The following PCDH11X variants were observed in gnomAD, a reference collection of about 807,000 sequenced individuals.
The protein encoded by PCDH11X is protocadherin-11 X-linked.
PCDH11X carries 18 observed loss-of-function variants against 53.3 expected under a neutral mutation model. The ratio of observed to expected loss-of-function variants is 0.34; its 90% CI spans 0.23 to 0.50. PCDH11X has a LOEUF of 0.50. PCDH11X is among the 20% of genes least tolerant of loss of function. The pLI, the probability that PCDH11X is intolerant of heterozygous loss-of-function variation, is 0.98. For synonymous variants in PCDH11X, 279 were observed against 393.3 expected, an observed-to-expected ratio of 0.71 and a Z score of 3.44; for missense variants, 570 against 1,032.4, an observed-to-expected ratio of 0.55 and a Z score of 6.14.
chrX:91,908,270 A>C lies in PCDH11X; in HGVS notation c.3033+28997A>C, dbSNP rs191167314. Among the ~76,000 whole-genome samples, 312 of 111,730 alleles carry C rather than the reference A, an allele frequency of 2.8e-3. 1 individual carries two copies. Among genetic ancestry groups the C allele is most frequent in the African/African-American group, 9.6e-3 (295 of 30,747 alleles). On this transcript the variant is annotated intron_variant, in intron 6 of 10. Coordinates refer to ENST00000682573, the MANE Select transcript of PCDH11X (RefSeq NM_032968.5). Reference sequence around the variant, plus strand: ...AATTTTGCAAACCATGCATCCAATAAATGTCTAATATCCAGCCTCTATAAG... The same window carrying C: ...AATTTTGCAAACCATGCATCCAATACATGTCTAATATCCAGCCTCTATAAG...
At chrX:91,937,480 G>A (rs763861598) in intron 6 of PCDH11X, among the ~76,000 whole-genome samples, 2 of 110,917 alleles carry the variant, frequency 1.8e-5, no homozygotes, top group African/African-American at 6.5e-5. Context: ...AAATGTAGAC[G>A]GTCTGCATAT....
intron 10 of PCDH11X, among the ~76,000 whole-genome samples, chrX:92,559,962 A>G (rs1391180170): frequency 2.7e-5 from 3 of 111,522 alleles, no homozygotes; most frequent in Non-Finnish European, 5.7e-5. Context: ...ACCTAGGCAG[A>G]CACCAGCTGG....
intron 8 of PCDH11X, among the ~76,000 whole-genome samples, chrX:92,300,057 TG>T (rs1419844383): frequency 2.8e-5 from 3 of 106,284 alleles, no homozygotes; most frequent in African/African-American, 1.0e-4. Context: ...TTAATTTCAT[TG>T]TTTACTCCAA....
chrX:92,587,018 T>A (rs1306520950), intron 10 of PCDH11X, among the ~76,000 whole-genome samples: 2 of 97,463 alleles, frequency 2.1e-5, no homozygotes, highest in African/African-American at 3.8e-5. Context: ...AGCATGTCGG[T>A]TACAACCTGA....
At chrX:92,190,134 C>T (rs760793632) in intron 6 of PCDH11X, among the ~76,000 whole-genome samples, 152 of 111,558 alleles carry the variant, frequency 1.4e-3, no homozygotes, top group Non-Finnish European at 2.4e-3. Flanking sequence ...GAAATCTTTG[C>T]CTGTGCTTAT....
intron 7 of PCDH11X, among the ~76,000 whole-genome samples, chrX:92,257,385 A>T (rs2067616435): frequency 9.0e-6 from 1 of 111,097 alleles, no homozygotes; most frequent in Non-Finnish European, 1.9e-5. Flanking sequence ...CCCAAATCTC[A>T]TGTCTTTCTC....
At chrX:91,937,360 A>C (rs999901591) in intron 6 of PCDH11X, among the ~76,000 whole-genome samples, 1 of 110,825 alleles carries the variant, frequency 9.0e-6, no homozygotes, top group South Asian at 3.8e-4. Context: ...CTATCTAAAG[A>C]GTAAAATCAG....
chrX:92,399,737 G>GTATTTATTTATT (rs57660372), intron 9 of PCDH11X, among the ~76,000 whole-genome samples: 2 of 104,912 alleles, frequency 1.9e-5, no homozygotes, highest in Admixed American at 2.2e-4. Context: ...CATCTTATTT[G>GTATTTATTTATT]TATTTATTTA....
intron 8 of PCDH11X, among the ~76,000 whole-genome samples, chrX:92,324,342 A>G (rs1259933895): frequency 9.0e-6 from 1 of 111,496 alleles, no homozygotes; most frequent in African/African-American, 3.3e-5. Flanking sequence ...AGTTAATTTG[A>G]TGGTGTCCAA....
chrX:92,033,666 GT>G (rs1270925217), intron 6 of PCDH11X, among the ~76,000 whole-genome samples: 2 of 108,290 alleles, frequency 1.8e-5, no homozygotes, highest in Non-Finnish European at 1.9e-5. Context: ...TTGCCTAAAA[GT>G]TTGTCAATTA....
intron 6 of PCDH11X, among the ~76,000 whole-genome samples, chrX:92,000,379 T>A (rs2147960263): frequency 9.0e-6 from 1 of 111,041 alleles, no homozygotes; most frequent in Admixed American, 9.7e-5. Flanking sequence ...TATTACATAT[T>A]TAGTTTCTAT....
intron 6 of PCDH11X, among the ~76,000 whole-genome samples, chrX:91,953,493 T>C (rs996830146): frequency 1.8e-4 from 20 of 110,225 alleles, no homozygotes; most frequent in Non-Finnish European, 2.1e-4. Context: ...TTCTGCATTT[T>C]ATATTTAGAA....
chrX:92,140,100 A>T (rs1170533695), intron 6 of PCDH11X, among the ~76,000 whole-genome samples: 1 of 110,806 alleles, frequency 9.0e-6, no homozygotes, highest in African/African-American at 3.3e-5. Context: ...CAAAATTTCT[A>T]AGTATATTTC....
At position 92,475,327 on chromosome X, in the gene PCDH11X, C is replaced by T. The variant is rs1017783955; in HGVS notation, c.3367+7005C>T. 1.7e-3 allele frequency among the ~76,000 whole-genome samples: 191 copies of T among 110,989 alleles called. 2 individuals are homozygous for T. Among genetic ancestry groups the T allele is most frequent in the African/African-American group, 6.1e-3 (186 of 30,538 alleles). ...CATTCTATTCTTTTTAATTGAGGCACTCTCTTTAGTATTTCCTGAAGGACA... is the reference window on the plus strand; with the variant it reads ...CATTCTATTCTTTTTAATTGAGGCATTCTCTTTAGTATTTCCTGAAGGACA... On this transcript the variant is annotated intron_variant, in intron 10 of 10. Coordinates refer to ENST00000682573, the MANE Select transcript of PCDH11X (RefSeq NM_032968.5).
At chrX:91,936,897 T>C (rs1210480625) in intron 6 of PCDH11X, among the ~76,000 whole-genome samples, 1 of 107,016 alleles carries the variant, frequency 9.3e-6, no homozygotes, top group Non-Finnish European at 1.9e-5. Context: ...TTACTATTAA[T>C]TTAATAATTT....
intron 5 of PCDH11X, among the ~76,000 whole-genome samples, chrX:91,861,123 G>T (rs1938642882): frequency 9.0e-6 from 1 of 110,637 alleles, no homozygotes; most frequent in South Asian, 3.8e-4. Flanking sequence ...TTGTTTTTTT[G>T]GTAAGCTATT....
intron 6 of PCDH11X, among the ~76,000 whole-genome samples, chrX:92,048,715 G>T (rs2063327594): frequency 9.1e-6 from 1 of 109,439 alleles, no homozygotes; most frequent in Admixed American, 9.6e-5. Context: ...AAATACAGTT[G>T]TTGATGAAAA....
intron 6 of PCDH11X, among the ~76,000 whole-genome samples, chrX:92,023,489 C>G (rs1569313623): frequency 9.1e-6 from 1 of 110,355 alleles, no homozygotes; most frequent in Non-Finnish European, 1.9e-5. Flanking sequence ...CTGAATAAAC[C>G]AATAACAAGT....
intron 5 of PCDH11X, among the ~76,000 whole-genome samples, chrX:91,855,345 C>T (rs1186904313): frequency 9.0e-6 from 1 of 111,166 alleles, no homozygotes; most frequent in Non-Finnish European, 1.9e-5. Context: ...CTGTTCTGTT[C>T]CATTGGTATA....
Sources: gnomAD v4.1 joint callset for allele counts (sites outside exome capture counted in the v4.1 genomes callset) on GRCh38, gnomAD v4.1.1 for gene constraint, MANE v1.5 for transcripts, NCBI Gene and HGNC (gene_info 2026-07-23, HGNC 2026-07-21) for gene names.